Variants in NEURL1 observed in about 807,000 individuals in gnomAD.
NEURL1 encodes the protein E3 ubiquitin-protein ligase NEURL1.
Under a neutral mutation model 41.2 loss-of-function variants are expected in NEURL1, and 26 were observed. The observed-to-expected ratio is 0.63, with a 90% CI of 0.46 to 0.87. The LOEUF is 0.87. Among genes scored for constraint, NEURL1 ranks in the 40% least tolerant of loss-of-function variants. NEURL1 has a pLI of 0.00. For synonymous variants in NEURL1, 400 were observed against 402.3 expected, an observed-to-expected ratio of 0.99 and a Z score of 0.07; for missense variants, 761 against 871.1, an observed-to-expected ratio of 0.87 and a Z score of 1.59.
chr10:103,582,986 T>C (rs1456616503), intron 3 of NEURL1, among the ~76,000 whole-genome samples: 1 of 152,198 alleles, frequency 6.6e-6, no homozygotes, highest in Non-Finnish European at 1.5e-5. Context: ...GAGCTTTATC[T>C]GTAAAACGGG....
chr10:103,555,221 T>G (rs1282907378), intron 1 of NEURL1: 22 of 665,536 alleles, frequency 3.3e-5, no homozygotes, highest in Admixed American at 5.1e-4. Context: ...AGGGGGCGCG[T>G]GGGGGCGCGT....
chr10:103,565,440 C>G (rs939886593), intron 1 of NEURL1, among the ~76,000 whole-genome samples: 61 of 152,240 alleles, frequency 4.0e-4, no homozygotes, highest in Middle Eastern at 3.4e-3. Flanking sequence ...ATACCTGGGG[C>G]AGGGAACCCC....
intron 4 of NEURL1, 80 bp from the exon 5 acceptor site, chr10:103,589,434 C>T: frequency 6.8e-7 from 1 of 1,476,848 alleles, no homozygotes; most frequent in Non-Finnish European, 9.1e-7. Flanking sequence ...GGCCTGGGAA[C>T]CCACTGTGAG....
chr10:103,552,116 AC>A (rs1340566070), intron 1 of NEURL1, among the ~76,000 whole-genome samples: 1 of 152,056 alleles, frequency 6.6e-6, no homozygotes, highest in Non-Finnish European at 1.5e-5. Context: ...GGCAAGGCTC[AC>A]CCTGTGGGGT....
intron 3 of NEURL1, among the ~76,000 whole-genome samples, chr10:103,580,023 C>T (rs909089281): frequency 6.6e-6 from 1 of 152,170 alleles, no homozygotes; most frequent in African/African-American, 2.4e-5. Flanking sequence ...TCCCAGGGCC[C>T]AGTTCCTGGC....
intron 1 of NEURL1, among the ~76,000 whole-genome samples, chr10:103,537,048 T>G (rs1204034938): frequency 2.0e-5 from 3 of 152,234 alleles, no homozygotes; most frequent in African/African-American, 7.2e-5. Context: ...TTATTTCACT[T>G]AGCATAATGT....
rs1436774969 is a variant in NEURL1, at chr10:103,508,632, G to T, written c.85+14160G>T. On this transcript the variant is annotated intron_variant, in intron 1 of 5. Coordinates refer to ENST00000369780, the MANE Select transcript of NEURL1 (RefSeq NM_004210.5). The surrounding 1 kb of genome is among the most constrained non-coding windows in gnomAD (Gnocchi z 4.3). ...GAAGGGGTTTTCCCTTTCTGAGGCT[G>T]GCGTTTGCAGATCTGTGGGACTGAG... Among the ~76,000 whole-genome samples the T allele has an allele frequency of 6.6e-6, 1 of 152,194 alleles. No homozygotes were observed. Among genetic ancestry groups the T allele is most frequent in the Non-Finnish European group, 1.5e-5 (1 of 68,040 alleles).
intron 1 of NEURL1, among the ~76,000 whole-genome samples, chr10:103,537,373 T>A (rs2034714342): frequency 6.6e-6 from 1 of 152,160 alleles, no homozygotes; most frequent in Non-Finnish European, 1.5e-5. Flanking sequence ...AAGTAACACT[T>A]TTTTCCCCCT....
At chr10:103,573,038 G>T (rs1400399075) in intron 3 of NEURL1, among the ~76,000 whole-genome samples, 2 of 151,466 alleles carry the variant, frequency 1.3e-5, no homozygotes, top group African/African-American at 4.9e-5. Context: ...AAACAGTGAA[G>T]TTCTTCTGTC....
intron 1 of NEURL1, among the ~76,000 whole-genome samples, chr10:103,513,091 A>AT (rs1442934269): frequency 1.3e-5 from 2 of 151,182 alleles, no homozygotes; most frequent in African/African-American, 4.9e-5. Flanking sequence ...CATGGCCACC[A>AT]TCACCCGGTG....
intron 1 of NEURL1, 38 bp from the exon 2 acceptor site, chr10:103,570,834 C>T (rs375200008): frequency 3.3e-5 from 52 of 1,590,552 alleles, no homozygotes; most frequent in Admixed American, 1.7e-4. Flanking sequence ...CTCTTGGACC[C>T]GCCAAGTTCT....
At chr10:103,515,941 G>A (rs1429432232) in intron 1 of NEURL1, among the ~76,000 whole-genome samples, 3 of 152,114 alleles carry the variant, frequency 2.0e-5, no homozygotes, top group Admixed American at 6.5e-5. Context: ...TAAGAGGTGT[G>A]CTTTGGCCGA....
intron 1 of NEURL1, among the ~76,000 whole-genome samples, chr10:103,518,233 TAA>T (rs34821304): frequency 6.6e-6 from 1 of 151,246 alleles, no homozygotes; most frequent in Non-Finnish European, 1.5e-5. Flanking sequence ...TACCATGATT[TAA>T]AAAAAAAGTC....
At chr10:103,499,681 A>T (rs923588937) in intron 1 of NEURL1, among the ~76,000 whole-genome samples, 1 of 151,684 alleles carries the variant, frequency 6.6e-6, no homozygotes, top group Non-Finnish European at 1.5e-5. Context: ...GTTGCCCAGG[A>T]TGGTCTGGAA....
intron 1 of NEURL1, among the ~76,000 whole-genome samples, chr10:103,496,752 G>A (rs2033694689): frequency 6.6e-6 from 1 of 152,166 alleles, no homozygotes; most frequent in Admixed American, 6.5e-5. Context: ...GGCAAAACTT[G>A]GCCCTGTCCT....
intron 4 of NEURL1, among the ~76,000 whole-genome samples, chr10:103,585,567 G>A (rs2035902997): frequency 6.6e-6 from 1 of 152,216 alleles, no homozygotes; most frequent in Admixed American, 6.5e-5. Flanking sequence ...AGGTGCGGTG[G>A]CTCACGCCTG....
chr10:103,502,626 G>C (rs2033850107), intron 1 of NEURL1, among the ~76,000 whole-genome samples: 1 of 152,172 alleles, frequency 6.6e-6, no homozygotes, highest in African/African-American at 2.4e-5. Flanking sequence ...TGAATATTGA[G>C]GGGGCGGGTA....
At position 103,499,872 on chromosome 10, in the gene NEURL1, G is replaced by T. The variant is rs183117304; in HGVS notation, c.85+5400G>T. 1.1e-3 allele frequency among the ~76,000 whole-genome samples: 160 copies of T among 152,176 alleles called. 1 individual carries two copies. The highest frequency in any genetic ancestry group is 2.0e-3 in the Non-Finnish European group (138 of 67,960). ...CTTCTCTGCCTCCGGTCCCTCCTTC[G>T]ATGCTGCCGGAGTGATTCTCCCAAA... On this transcript the variant is annotated intron_variant, in intron 1 of 5. Transcript: ENST00000369780.
At chr10:103,512,010 A>G (rs1461616938) in intron 1 of NEURL1, 1 of 152,250 alleles carries the variant, frequency 6.6e-6, no homozygotes, top group Non-Finnish European at 1.5e-5. Flanking sequence ...GAGCCCAGAC[A>G]AGAGCAAGAT....
Sources: gnomAD v4.1 joint callset for allele counts (sites outside exome capture counted in the v4.1 genomes callset) on GRCh38, gnomAD v4.1.1 for gene constraint, Gnocchi (gnomAD v3.1) non-coding constraint, MANE v1.5 for transcripts, NCBI Gene and HGNC (gene_info 2026-07-23, HGNC 2026-07-21) for gene names.